AFF2: variants seen among roughly 807,000 people sequenced by gnomAD.
AFF2 encodes AF4/FMR2 family member 2.
AFF2 carries 14 observed loss-of-function variants against 76.9 expected under a neutral mutation model. The observed-to-expected ratio is 0.18, with a 90% CI of 0.12 to 0.28. The LOEUF is 0.28. Ranked by LOEUF, AFF2 falls within the 10% of genes least tolerant of loss-of-function variation. The pLI is 1.00. For missense variants in AFF2, 868 were observed against 1,001.1 expected (o/e 0.87, Z 1.79); for synonymous variants, 398 against 366.7 (o/e 1.09, Z -0.98).
At chrX:148,642,334 A>C (rs2054098582) in intron 1 of AFF2, among the ~76,000 whole-genome samples, 1 of 112,608 alleles carries the variant, frequency 8.9e-6, no homozygotes, top group South Asian at 3.6e-4. Flanking sequence ...TAAGGGCATT[A>C]ATTTCCTTAG....
At chrX:148,941,014 T>C (rs2071827991) in intron 9 of AFF2, among the ~76,000 whole-genome samples, 1 of 112,094 alleles carries the variant, frequency 8.9e-6, no homozygotes, top group South Asian at 3.7e-4. Context: ...CTGTTTAAAA[T>C]AGCTGGGCTT....
At chrX:148,585,238 C>T (rs2053455153) in intron 1 of AFF2, among the ~76,000 whole-genome samples, 1 of 111,697 alleles carries the variant, frequency 9.0e-6, no homozygotes, top group African/African-American at 3.3e-5. Flanking sequence ...TGGGTACAAA[C>T]ATAGGTAGGA....
chrX:148,903,335 G>A (rs987656239), intron 8 of AFF2, among the ~76,000 whole-genome samples: 56 of 112,160 alleles, frequency 5.0e-4, no homozygotes, highest in African/African-American at 1.8e-3. Context: ...ATAGACTGTA[G>A]CCATTCTGCC....
chrX:148,553,710 G>T (rs1245314896), intron 1 of AFF2, among the ~76,000 whole-genome samples: 1 of 111,342 alleles, frequency 9.0e-6, no homozygotes, highest in Admixed American at 9.5e-5. Context: ...CTCTATCTGT[G>T]TCCTCAACTC....
chrX:148,592,138 G>C (rs1286579792), intron 1 of AFF2, among the ~76,000 whole-genome samples: 3 of 111,881 alleles, frequency 2.7e-5, no homozygotes, highest in African/African-American at 9.8e-5. Flanking sequence ...TGATCAGGCT[G>C]ATTATGAAAA....
intron 1 of AFF2, among the ~76,000 whole-genome samples, chrX:148,530,307 T>G (rs1380093525): frequency 1.8e-5 from 2 of 112,131 alleles, no homozygotes; most frequent in Non-Finnish European, 3.8e-5. Context: ...TAGCTATTGT[T>G]AATATTATAT....
rs782435297 is a variant in AFF2 at position 148,896,376 on chromosome X, C to T, written c.1360-7845C>T. On this transcript the variant is annotated intron_variant, in intron 8 of 20. Transcript: ENST00000370460. The stretch of plus-strand genomic sequence containing the variant: ...TTTAATATATTTGTGTAAATCCTGA[C>T]GTAGTTTCACAACTGTTACAATTGA... Among the ~76,000 whole-genome samples, 215 of 111,678 alleles carry T rather than the reference C, an allele frequency of 1.9e-3. 2 individuals are homozygous for T. The highest frequency in any genetic ancestry group is 6.7e-3 in the African/African-American group (206 of 30,734).
At chrX:148,508,463 T>C (rs1454853504) in intron 1 of AFF2, among the ~76,000 whole-genome samples, 3 of 111,582 alleles carry the variant, frequency 2.7e-5, no homozygotes, top group African/African-American at 9.8e-5. Flanking sequence ...AGTTGCTTGC[T>C]AAAATTGTGA....
intron 3 of AFF2, among the ~76,000 whole-genome samples, chrX:148,807,850 A>G (rs2070156628): frequency 8.9e-6 from 1 of 112,731 alleles, no homozygotes; most frequent in African/African-American, 3.2e-5. Flanking sequence ...TTGTATTTGC[A>G]GTTGAGAATT....
At chrX:148,657,577 G>A (rs977362801) in intron 2 of AFF2, among the ~76,000 whole-genome samples, 6 of 111,266 alleles carry the variant, frequency 5.4e-5, no homozygotes, top group African/African-American at 9.8e-5. Context: ...AGTAATGAGA[G>A]GCAAAAAAAC....
chrX:148,583,835 C>T (rs1263743634), intron 1 of AFF2, among the ~76,000 whole-genome samples: 3 of 111,287 alleles, frequency 2.7e-5, no homozygotes, highest in Non-Finnish European at 3.8e-5. Context: ...CTAGAATACA[C>T]GGAAAAGTAC....
At position 148,662,391 on chromosome X, in the gene AFF2, C is replaced by G; in HGVS notation, c.664C>G (p.Pro222Ala). The G allele has an allele frequency of 3.3e-6, 4 of 1,211,709 alleles. No homozygotes were observed. The East Asian group carries it at 1.2e-4, about 36-fold the overall frequency. Residue 222 changes from proline (P) to alanine (A), a missense_variant, in exon 3 of 21, where the codon CCT (proline) becomes GCT (alanine). Pro to Ala is a conservative substitution (Grantham distance 27). Coordinates refer to ENST00000370460, the MANE Select transcript of AFF2 (RefSeq NM_002025.4). Reference protein sequence around the residue: ...SNPSAKEDSNPNSSGEDAFKE... With the variant: ...SNPSAKEDSNANSSGEDAFKE... ...CCCATCTGCAAAGGAAGACAGTAAC[C>G]CTAATTCTAGTGGAGAAGATGCTTT... is the stretch of plus-strand genomic sequence containing the variant.
intron 9 of AFF2, among the ~76,000 whole-genome samples, chrX:148,909,477 T>C (rs2071446192): frequency 8.9e-6 from 1 of 112,086 alleles, no homozygotes; most frequent in Non-Finnish European, 1.9e-5. Context: ...TTAACCACTC[T>C]TTCAATTTAT....
rs149966195 is a variant in AFF2 at position 148,991,315 on chromosome X, G to A, written c.3919G>A (p.Asp1307Asn). 7.5e-6 allele frequency: 9 copies of A among 1,204,432 alleles called. No homozygotes were observed. Among genetic ancestry groups the A allele is most frequent in the Non-Finnish European group, 1.0e-5 (9 of 891,993 alleles). Residue 1307 changes from aspartate to asparagine, a missense_variant, in exon 21 of 21, where the codon GAT becomes AAT. Physicochemically the swap from Asp to Asn is conservative, Grantham distance 23. Around this residue, in one of 6 missense-constraint regions of AFF2, gnomAD observed 33 missense variants for 63.6 expected, o/e 0.52. Transcript: ENST00000370460. ...VRQGLCWLRI[D>N]AHLL ...CCAAGGACTGTGTTGGCTGCGCATCGATGCCCACTTGTTGTAGTGGGTGTT... is the reference window on the plus strand; with the variant it reads ...CCAAGGACTGTGTTGGCTGCGCATCAATGCCCACTTGTTGTAGTGGGTGTT...
At chrX:148,949,222 C>T (rs1557286375) in intron 9 of AFF2, among the ~76,000 whole-genome samples, 1 of 111,722 alleles carries the variant, frequency 9.0e-6, no homozygotes, top group Non-Finnish European at 1.9e-5. Flanking sequence ...TGGTGCTACA[C>T]ATTAATCCCT....
chrX:148,576,139 A>G (rs1456288562), intron 1 of AFF2, among the ~76,000 whole-genome samples: 5 of 111,705 alleles, frequency 4.5e-5, no homozygotes, highest in Admixed American at 3.8e-4. Flanking sequence ...CACCTATTAC[A>G]ATTATTGTTA....
chrX:148,781,102 C>T (rs2069737696), intron 3 of AFF2, among the ~76,000 whole-genome samples: 1 of 112,032 alleles, frequency 8.9e-6, no homozygotes, highest in Admixed American at 9.5e-5. Context: ...AAGATTGCTG[C>T]CCGTTCCTTC....
rs185993741 is a variant in AFF2 at position 148,853,955 on chromosome X, C to A, written c.1262+10522C>A. Among the ~76,000 whole-genome samples, 10 of 111,978 alleles carry A rather than the reference C, an allele frequency of 8.9e-5. No homozygotes were observed. In the East Asian group the frequency reaches 2.8e-3, roughly 32 times the overall value. ...TTGAAAACTTTAGAAAAATCTCATACGTTTTACAATCTCACTGTCTTAGAG... is the reference window on the plus strand; with the variant it reads ...TTGAAAACTTTAGAAAAATCTCATAAGTTTTACAATCTCACTGTCTTAGAG... On this transcript the variant is annotated intron_variant, in intron 7 of 20. Transcript: ENST00000370460.
chrX:148,771,993 T>C (rs1335230112), intron 3 of AFF2, among the ~76,000 whole-genome samples: 3 of 111,783 alleles, frequency 2.7e-5, no homozygotes, highest in South Asian at 7.5e-4. Flanking sequence ...ACCTGCAAGA[T>C]TCATGCAAGA....
Sources: gnomAD v4.1 joint callset for allele counts (sites outside exome capture counted in the v4.1 genomes callset) on GRCh38, gnomAD v4.1.1 for gene constraint, gnomAD v4.1.1 regional missense constraint, MANE v1.5 for transcripts, NCBI Gene and HGNC (gene_info 2026-07-23, HGNC 2026-07-21) for gene names.